TENM1: variants seen among roughly 807,000 people sequenced by gnomAD.
TENM1 encodes teneurin transmembrane protein 1.
A neutral mutation model predicts 174.8 loss-of-function variants in TENM1; 35 were observed. The ratio of observed to expected loss-of-function variants is 0.20; its 90% CI spans 0.15 to 0.27. The LOEUF (loss-of-function observed/expected upper bound fraction) is 0.27. Among genes scored for constraint, TENM1 ranks in the 10% least tolerant of loss-of-function variants. The pLI is 1.00. For missense variants in TENM1, 1,633 were observed against 2,130.1 expected, an observed-to-expected ratio of 0.77 and a Z score of 4.59; for synonymous variants, 781 against 798.7, an observed-to-expected ratio of 0.98 and a Z score of 0.37.
chrX:124,531,742 C>A (rs749238425), intron 15 of TENM1, among the ~76,000 whole-genome samples: 1 of 112,258 alleles, frequency 8.9e-6, no homozygotes, highest in East Asian at 2.8e-4. Context: ...ATTTCTGTAT[C>A]ATTTTGAAAT....
chrX:124,547,491 C>A (rs930945085), intron 14 of TENM1, among the ~76,000 whole-genome samples: 1 of 112,237 alleles, frequency 8.9e-6, no homozygotes, highest in Non-Finnish European at 1.9e-5. Context: ...TATGAGCACA[C>A]AATTAACAAG....
chrX:125,010,133 A>T, the TENM1 span, among the ~76,000 whole-genome samples: 1 of 111,543 alleles, frequency 9.0e-6, no homozygotes, highest in African/African-American at 3.3e-5. Flanking sequence ...AAACCCCATC[A>T]TCTCAGCTTC....
At chrX:124,907,055 A>C (rs1421847944) in intron 1 of TENM1, among the ~76,000 whole-genome samples, 1 of 111,817 alleles carries the variant, frequency 8.9e-6, no homozygotes, top group East Asian at 2.8e-4. Flanking sequence ...TATACTCTAT[A>C]TATAGTTTAT....
intron 4 of TENM1, among the ~76,000 whole-genome samples, chrX:124,711,578 G>A (rs1329491763): frequency 2.7e-5 from 3 of 111,710 alleles, no homozygotes; most frequent in Non-Finnish European, 3.8e-5. Flanking sequence ...GCTTCCAGTA[G>A]AAGCTGAGGT....
the TENM1 span, among the ~76,000 whole-genome samples, chrX:125,096,882 T>TA: frequency 2.5e-3 from 252 of 100,009 alleles, no homozygotes; most frequent in African/African-American, 5.1e-3. Context: ...AGTAATGATT[T>TA]AAAAAAAAAA....
intron 19 of TENM1, among the ~76,000 whole-genome samples, chrX:124,499,096 G>C (rs1298003118): frequency 8.9e-6 from 1 of 111,757 alleles, no homozygotes; most frequent in Non-Finnish European, 1.9e-5. Flanking sequence ...GTGTCAGACT[G>C]AAGTCACTAA....
chrX:124,675,144 G>C (rs2052035975), intron 5 of TENM1, among the ~76,000 whole-genome samples: 1 of 111,533 alleles, frequency 9.0e-6, no homozygotes, highest in East Asian at 2.8e-4. Context: ...GTAATTTTTT[G>C]AACTTACTAT....
chrX:125,155,806 C>A, the TENM1 span, among the ~76,000 whole-genome samples: 26 of 112,642 alleles, frequency 2.3e-4, no homozygotes, highest in African/African-American at 8.0e-4. Flanking sequence ...GGCCCGCAAG[C>A]ACTGCTGGCA....
intron 3 of TENM1, among the ~76,000 whole-genome samples, chrX:124,841,803 G>A (rs1795283820): frequency 9.0e-6 from 1 of 110,576 alleles, no homozygotes; most frequent in Non-Finnish European, 1.9e-5. Context: ...CATCTTAACA[G>A]AAATAGAGGC....
chrX:124,707,868 C>G (rs550859673), intron 4 of TENM1, among the ~76,000 whole-genome samples: 2 of 112,241 alleles, frequency 1.8e-5, no homozygotes, highest in Admixed American at 1.9e-4. Context: ...TGAGTTCATT[C>G]TTGCAACAGT....
At chrX:124,449,394 A>T (rs766126181) in intron 23 of TENM1, among the ~76,000 whole-genome samples, 1 of 112,233 alleles carries the variant, frequency 8.9e-6, no homozygotes, top group South Asian at 3.7e-4. Flanking sequence ...TTATGTTTGG[A>T]AAGTGTCATG....
chrX:124,894,381 GCCTT>G (rs1292992221), intron 2 of TENM1, 29 bp from the exon 6 acceptor site: 1 of 1,123,025 alleles, frequency 8.9e-7, no homozygotes, highest in Non-Finnish European at 1.2e-6. Flanking sequence ...CACTAGTTAA[GCCTT>G]GTCCAAGTCA....
At chrX:125,111,322 A>G in the TENM1 span, among the ~76,000 whole-genome samples, 1 of 111,217 alleles carries the variant, frequency 9.0e-6, no homozygotes, top group Non-Finnish European at 1.9e-5. Flanking sequence ...TAATCCCAGA[A>G]CTTTGTTAGG....
At chrX:124,647,422 C>T (rs959519027) in intron 8 of TENM1, among the ~76,000 whole-genome samples, 13 of 110,950 alleles carry the variant, frequency 1.2e-4, no homozygotes, top group Non-Finnish European at 1.7e-4. Flanking sequence ...AATGCTTATC[C>T]GTTTTCTGCC....
At chrX:124,787,324 T>C (rs758960823) in intron 3 of TENM1, among the ~76,000 whole-genome samples, 16 of 111,374 alleles carry the variant, frequency 1.4e-4, no homozygotes, top group Admixed American at 4.7e-4. Context: ...CATATGGAAT[T>C]AACTCACTTA....
At chrX:124,960,284 T>C (rs2058634583) in intron 1 of TENM1, among the ~76,000 whole-genome samples, 1 of 111,899 alleles carries the variant, frequency 8.9e-6, no homozygotes, top group Admixed American at 9.5e-5. Context: ...TATTCAAATT[T>C]TAACTTAGAT....
In TENM1 at chrX:124,700,630, T is replaced by C. The variant is rs7056137; in HGVS notation, c.1015+4383A>G. Among the ~76,000 whole-genome samples, 1,112 of 111,393 alleles carry C rather than the reference T, an allele frequency of 1.0e-2. 13 individuals carry two copies. Among genetic ancestry groups the C allele is most frequent in the African/African-American group, 0.035 (1,063 of 30,710 alleles). On this transcript the variant is annotated intron_variant, in intron 5 of 31. Transcript: ENST00000422452. ...TTTGGTAAGCATATTTATCTACATT[T>C]AGCAAATACTGTGTGAGGGAGCATT... is the stretch of plus-strand genomic sequence containing the variant.
At chrX:124,949,262 T>C (rs1237547065) in intron 1 of TENM1, among the ~76,000 whole-genome samples, 1 of 112,032 alleles carries the variant, frequency 8.9e-6, no homozygotes, top group Non-Finnish European at 1.9e-5. Flanking sequence ...ATGATTTATG[T>C]ATACAATTTC....
rs760003066 is a variant in TENM1, at chrX:124,692,757, A to G, written c.1015+12256T>C. Reference sequence around the variant, plus strand: ...CACGGTGGCTCATGCTTGTAATCCCAGCACTTTGGGAGTCTGAGGTGGACG... The same window carrying G: ...CACGGTGGCTCATGCTTGTAATCCCGGCACTTTGGGAGTCTGAGGTGGACG... On this transcript the variant is annotated intron_variant, in intron 5 of 31. Coordinates refer to ENST00000422452, the Ensembl canonical transcript of TENM1. Among the ~76,000 whole-genome samples the G allele has an allele frequency of 2.3e-4, 25 of 109,724 alleles. No homozygotes were observed. The South Asian group carries it at 3.1e-3, about 14-fold the overall frequency.
Sources: gnomAD v4.1 joint callset for allele counts (sites outside exome capture counted in the v4.1 genomes callset) on GRCh38, gnomAD v4.1.1 for gene constraint, MANE v1.5 for transcripts, NCBI Gene and HGNC (gene_info 2026-07-23, HGNC 2026-07-21) for gene names.